Variants in FAT3 observed in about 807,000 individuals in gnomAD.
The protein encoded by FAT3 is FAT atypical cadherin 3, also known as protocadherin Fat 3.
Under a neutral mutation model 310.2 loss-of-function variants are expected in FAT3, and 95 were observed. That is an observed-to-expected ratio of 0.31 (90% confidence interval 0.26 to 0.36). The LOEUF is 0.36. Among genes scored for constraint, FAT3 ranks in the 10% least tolerant of loss-of-function variants. The pLI is 1.00. For synonymous variants in FAT3, 2,314 were observed against 2,192.9 expected (o/e 1.06, Z -1.54); for missense variants, 5,408 against 5,715.6 (o/e 0.95, Z 1.74).
At position 92,892,776 on chromosome 11, in the gene FAT3, G is replaced by A. The variant is rs1422671874; in HGVS notation, c.*1663G>A. On this transcript the variant is annotated 3_prime_UTR_variant, in exon 28 of 28. Transcript: ENST00000525166. ...TCCAGAACTTACCTCTGTTTTAAAA[G>A]TGTGTAATGTTTGATTACACCCTGG... is the stretch of plus-strand genomic sequence containing the variant. The A allele has an allele frequency of 1.3e-5, 2 of 152,166 alleles. No individual in the cohort carries two copies. The highest frequency in any genetic ancestry group is 1.9e-4 in the East Asian group (1 of 5,190). 9.4% of individuals were successfully genotyped at this position (152,166 alleles called of 1,614,324 possible).
chr11:92,692,021 T>C lies in FAT3; in HGVS notation c.3608-5363T>C, dbSNP rs138577360. Among the ~76,000 whole-genome samples, 1,345 of 152,262 alleles carry C rather than the reference T, an allele frequency of 8.8e-3. 20 individuals carry two copies. Among genetic ancestry groups the C allele is most frequent in the African/African-American group, 0.031 (1,273 of 41,550 alleles). ...ATTATTATTATCCTATTTTTCTCCC[T>C]AAATTAGGTAGAAATCAGGATGGGA... On this transcript the variant is annotated intron_variant, in intron 3 of 27. Coordinates refer to ENST00000525166, the MANE Select transcript of FAT3 (RefSeq NM_001367949.2).
At chr11:92,295,823 T>C (rs1039470867) in intron 1 of FAT3, among the ~76,000 whole-genome samples, 2 of 152,108 alleles carry the variant, frequency 1.3e-5, no homozygotes, top group African/African-American at 2.4e-5. Context: ...GGATGCACAA[T>C]AGAATCACCT....
At chr11:92,568,239 AAT>A (rs1444815110) in intron 3 of FAT3, among the ~76,000 whole-genome samples, 2 of 152,220 alleles carry the variant, frequency 1.3e-5, no homozygotes, top group African/African-American at 4.8e-5. Context: ...GCAATTTCTA[AAT>A]ACGTTTAAGT....
chr11:92,740,799 CTT>C (rs1945486866), intron 4 of FAT3, among the ~76,000 whole-genome samples: 1 of 152,104 alleles, frequency 6.6e-6, no homozygotes, highest in African/African-American at 2.4e-5. Context: ...TTTAAACACT[CTT>C]TACTACAGTA....
intron 7 of FAT3, among the ~76,000 whole-genome samples, chr11:92,782,623 AC>A (rs1373337256): frequency 6.6e-6 from 1 of 152,250 alleles, no homozygotes; most frequent in Non-Finnish European, 1.5e-5. Context: ...TCTATGCTCC[AC>A]AGCCAAACTT....
chr11:92,235,734 A>G lies in FAT3; in HGVS notation c.-18+10560A>G, dbSNP rs532227317. ...AGGTCCACATTTCACAGTTGGAGGA[A>G]AGATCCTCTAGGCATAAATACACAT... On this transcript the variant is annotated intron_variant, in intron 1 of 27. Coordinates refer to ENST00000525166, the MANE Select transcript of FAT3 (RefSeq NM_001367949.2). Among the ~76,000 whole-genome samples, 8 of 152,316 alleles carry G rather than the reference A, an allele frequency of 5.3e-5. 1 individual carries two copies. In the South Asian group the frequency reaches 1.7e-3, roughly 32 times the overall value.
intron 2 of FAT3, among the ~76,000 whole-genome samples, chr11:92,411,355 C>T (rs1043367992): frequency 2.0e-5 from 3 of 151,486 alleles, no homozygotes; most frequent in African/African-American, 7.3e-5. Context: ...ATGTAAAATA[C>T]TATGGTGTAA....
intron 22 of FAT3, among the ~76,000 whole-genome samples, chr11:92,875,842 G>T (rs1240308487): frequency 7.2e-5 from 11 of 152,102 alleles, no homozygotes; most frequent in African/African-American, 2.7e-4. Flanking sequence ...TGATGAAAAC[G>T]GCAAAATTCA....
chr11:92,554,971 T>G (rs975292478), intron 3 of FAT3, among the ~76,000 whole-genome samples: 1 of 152,232 alleles, frequency 6.6e-6, no homozygotes, highest in Non-Finnish European at 1.5e-5. Flanking sequence ...TTCATTTGTC[T>G]GACTGTGCTA....
At chr11:92,808,164 C>T (rs1947561063) in intron 12 of FAT3, among the ~76,000 whole-genome samples, 1 of 152,228 alleles carries the variant, frequency 6.6e-6, no homozygotes, top group African/African-American at 2.4e-5. Flanking sequence ...TTGTGGTAGA[C>T]TCCAAGATAA....
At chr11:92,749,660 G>C (rs1945776204) in intron 4 of FAT3, among the ~76,000 whole-genome samples, 1 of 152,066 alleles carries the variant, frequency 6.6e-6, no homozygotes, top group Non-Finnish European at 1.5e-5. Flanking sequence ...CTCAACGATG[G>C]GTACCTTCGT....
chr11:92,250,618 A>C (rs1240251947), intron 1 of FAT3, among the ~76,000 whole-genome samples: 6 of 152,264 alleles, frequency 3.9e-5, no homozygotes, highest in Admixed American at 2.0e-4. Context: ...CAGAAGGGAA[A>C]AAGAAAGCAA....
At chr11:92,701,563 A>C (rs1264319067) in intron 4 of FAT3, among the ~76,000 whole-genome samples, 1 of 152,226 alleles carries the variant, frequency 6.6e-6, no homozygotes, top group Non-Finnish European at 1.5e-5. Context: ...GTTATGTGAA[A>C]ATATTGGCCT....
intron 4 of FAT3, among the ~76,000 whole-genome samples, chr11:92,749,401 G>A (rs1322195454): frequency 6.6e-6 from 1 of 152,114 alleles, no homozygotes; most frequent in Non-Finnish European, 1.5e-5. Flanking sequence ...TAATCTCTTA[G>A]AAAGATTGAG....
At chr11:92,731,438 C>T (rs951831105) in intron 4 of FAT3, among the ~76,000 whole-genome samples, 1 of 152,098 alleles carries the variant, frequency 6.6e-6, no homozygotes, top group Non-Finnish European at 1.5e-5. Context: ...AAATATGGAC[C>T]TAGATCAACA....
chr11:92,831,378 T>G (rs1948244038), intron 13 of FAT3, among the ~76,000 whole-genome samples: 1 of 152,188 alleles, frequency 6.6e-6, no homozygotes, highest in Non-Finnish European at 1.5e-5. Context: ...AGTTGTATAT[T>G]AAGAATATCC....
At chr11:92,637,780 A>G (rs766072982) in intron 3 of FAT3, among the ~76,000 whole-genome samples, 1 of 152,184 alleles carries the variant, frequency 6.6e-6, no homozygotes, top group Non-Finnish European at 1.5e-5. Context: ...TATGTATCCT[A>G]TATACTATGT....
chr11:92,638,123 C>G (rs944873124), intron 3 of FAT3, among the ~76,000 whole-genome samples: 8 of 152,190 alleles, frequency 5.3e-5, no homozygotes, highest in African/African-American at 2.4e-5. Context: ...AAATAGAACT[C>G]TGTCAGATGC....
At chr11:92,414,988 CAA>C (rs1950376986) in intron 2 of FAT3, among the ~76,000 whole-genome samples, 1 of 135,476 alleles carries the variant, frequency 7.4e-6, no homozygotes, top group African/African-American at 2.8e-5. Flanking sequence ...CCAGGCTGGG[CAA>C]GAGTGCAAGA....
Sources: allele counts gnomAD v4.1 joint callset (sites outside exome capture counted in the v4.1 genomes callset), GRCh38; gene constraint gnomAD v4.1.1; transcripts MANE v1.5; gene names NCBI Gene and HGNC (gene_info 2026-07-23, HGNC 2026-07-21).